Variants in CAST observed in about 807,000 individuals in gnomAD.
The protein encoded by CAST is MIR583 host.
Under a neutral mutation model 119.6 loss-of-function variants are expected in CAST, and 76 were observed. The observed-to-expected ratio is 0.64, with a 90% CI of 0.53 to 0.77. The LOEUF (loss-of-function observed/expected upper bound fraction) is 0.77. Among genes scored for constraint, CAST ranks in the 30% least tolerant of loss-of-function variants. The pLI is 0.00. For missense variants in CAST, 953 were observed against 946.5 expected (o/e 1.01, Z -0.09); for synonymous variants, 319 against 331.6 (o/e 0.96, Z 0.41).
At chr5:96,727,580 A>G (rs1370920528) in intron 6 of CAST, 50 bp downstream of exon 6, 1 of 1,208,054 alleles carries the variant, frequency 8.3e-7, no homozygotes. Context: ...TTTTAATAAT[A>G]ATGAATAATC....
At chr5:96,771,235 G>A (rs1013339347) in intron 30 of CAST, among the ~76,000 whole-genome samples, 11 of 152,148 alleles carry the variant, frequency 7.2e-5, no homozygotes, top group East Asian at 1.9e-4. Flanking sequence ...TCAGTTATAC[G>A]AAGTACTTAA....
intron 1 of CAST, among the ~76,000 whole-genome samples, chr5:96,564,375 C>T (rs1718648480): frequency 1.3e-5 from 2 of 152,196 alleles, no homozygotes; most frequent in African/African-American, 4.8e-5. Context: ...TTCACTTGGG[C>T]TGGCTCTGAT....
At chr5:96,014,711 G>A in the CAST span, among the ~76,000 whole-genome samples, 2 of 152,158 alleles carry the variant, frequency 1.3e-5, no homozygotes, top group Non-Finnish European at 1.5e-5. Flanking sequence ...ACAGATCTAT[G>A]CAAGTAGGAT....
chr5:96,671,708 G>A (rs1206111373), intron 1 of CAST, among the ~76,000 whole-genome samples: 1 of 152,212 alleles, frequency 6.6e-6, no homozygotes, highest in Admixed American at 6.5e-5. Context: ...TTGTGGTTCA[G>A]TTCTCTTTCC....
chr5:96,612,386 A>C (rs1215147008), intron 1 of CAST, among the ~76,000 whole-genome samples: 2 of 152,186 alleles, frequency 1.3e-5, no homozygotes, highest in African/African-American at 4.8e-5. Context: ...CATTGCATGC[A>C]TGTGGGCATA....
rs558260268 is a variant in CAST at position 96,694,563 on chromosome 5, G to A, written c.139-1273G>A. The stretch of plus-strand genomic sequence containing the variant: ...GGAGAATTGCTTGAACCCAGGAGGC[G>A]GAGGTTGCAGTGAGCCGAGATCGCA... On this transcript the variant is annotated intron_variant, in intron 2 of 31. Coordinates refer to ENST00000675179, the MANE Select transcript of CAST (RefSeq NM_001750.7). 5.5e-4 allele frequency among the ~76,000 whole-genome samples: 83 copies of A among 152,156 alleles called. 2 individuals are homozygous for A. The South Asian group carries it at 0.017, about 31-fold the overall frequency.
At chr5:96,136,676 C>T in the CAST span, among the ~76,000 whole-genome samples, 2 of 152,176 alleles carry the variant, frequency 1.3e-5, no homozygotes, top group African/African-American at 2.4e-5. Context: ...TTTATACTAA[C>T]ATCCACAATG....
the CAST span, among the ~76,000 whole-genome samples, chr5:96,436,758 T>C: frequency 6.6e-6 from 1 of 152,172 alleles, no homozygotes; most frequent in Admixed American, 6.5e-5. Flanking sequence ...CTACCAACTT[T>C]ACCACAAATT....
chr5:96,213,148 A>C, the CAST span, among the ~76,000 whole-genome samples: 1 of 151,986 alleles, frequency 6.6e-6, no homozygotes, highest in African/African-American at 2.4e-5. Context: ...AATTTTAAAA[A>C]ATATTGTGTA....
chr5:95,979,253 T>TTA, the CAST span, among the ~76,000 whole-genome samples: 33 of 152,050 alleles, frequency 2.2e-4, no homozygotes, highest in Admixed American at 9.2e-4. Flanking sequence ...CCAGCCACAA[T>TTA]TATATATATA....
the CAST span, among the ~76,000 whole-genome samples, chr5:96,409,595 T>C: frequency 6.6e-6 from 1 of 152,200 alleles, no homozygotes; most frequent in East Asian, 1.9e-4. Context: ...TTACCCAAGA[T>C]AAGGAACAGT....
chr5:96,448,014 T>TAA, the CAST span, among the ~76,000 whole-genome samples: 20 of 140,662 alleles, frequency 1.4e-4, no homozygotes, highest in African/African-American at 3.9e-4. Flanking sequence ...TCTCATATGT[T>TAA]AAAAAAAAAA....
the CAST span, among the ~76,000 whole-genome samples, chr5:96,320,484 C>T: frequency 6.6e-6 from 1 of 152,022 alleles, no homozygotes; most frequent in African/African-American, 2.4e-5. Context: ...GTGATCCGCC[C>T]GCCTCAGCCT....
At chr5:96,159,942 C>A in the CAST span, among the ~76,000 whole-genome samples, 2 of 148,846 alleles carry the variant, frequency 1.3e-5, no homozygotes, top group South Asian at 2.2e-4. Context: ...AGCAGCCTAG[C>A]CAACATGATG....
Position 96,689,365 on chromosome 5 carries a change from A to G in CAST, c.139-6471A>G, listed in dbSNP as rs75288635. 1.9e-3 allele frequency among the ~76,000 whole-genome samples: 291 copies of G among 152,226 alleles called. 13 individuals carry two copies. In the East Asian group the frequency reaches 0.054, roughly 28 times the overall value. ...CCATTAACAATTTCCTTAATCTTTC[A>G]TTGCCTTTTTCTGCATCTTCTTTTA... On this transcript the variant is annotated intron_variant, in intron 2 of 31. Coordinates refer to ENST00000675179, the MANE Select transcript of CAST (RefSeq NM_001750.7).
chr5:96,538,100 G>T lies in CAST; in HGVS notation c.60+8220G>T, dbSNP rs1325563527. Among the ~76,000 whole-genome samples the T allele has an allele frequency of 3.3e-5, 5 of 152,142 alleles. No individual in the cohort carries two copies. The South Asian group carries it at 6.2e-4, about 19-fold the overall frequency. ...CAATCTACACACAAGGCAAAGACTG[G>T]TTAAACAGCCAGCAAAAGAAAAACT... On this transcript the variant is annotated intron_variant, in intron 1 of 11. Transcript: ENST00000505143.
the CAST span, among the ~76,000 whole-genome samples, chr5:96,382,206 T>A: frequency 6.6e-6 from 1 of 152,246 alleles, no homozygotes; most frequent in East Asian, 1.9e-4. Flanking sequence ...TCTCAGCTAG[T>A]GTTTGATACC....
intron 2 of CAST, among the ~76,000 whole-genome samples, chr5:96,682,106 A>G (rs1206189405): frequency 1.3e-5 from 2 of 152,220 alleles, no homozygotes; most frequent in Admixed American, 6.5e-5. Context: ...GTATAGGAAA[A>G]ACCATAGTGA....
chr5:95,965,541 A>C, the CAST span, among the ~76,000 whole-genome samples: 398 of 152,356 alleles, frequency 2.6e-3, no homozygotes, highest in African/African-American at 8.6e-3. Context: ...AAGAGAACAT[A>C]GAACCTTATA....
Sources: allele counts gnomAD v4.1 joint callset (sites outside exome capture counted in the v4.1 genomes callset), GRCh38; gene constraint gnomAD v4.1.1; transcripts MANE v1.5; gene names NCBI Gene and HGNC (gene_info 2026-07-23, HGNC 2026-07-21).